BACC1: variants seen among roughly 807,000 people sequenced by gnomAD.
BACC1 encodes the protein BPTF-associated chromatin complex component 1.
At chr17:7,017,213 C>G in the BACC1 span, 34 of 1,614,056 alleles carry the variant, frequency 2.1e-5, no homozygotes, top group African/African-American at 3.9e-4. Context: ...TGGAAGCACA[C>G]TGGGGGCTCG....
the BACC1 span, chr17:7,015,160 C>A: frequency 3.2e-6 from 5 of 1,568,606 alleles, no homozygotes; most frequent in Admixed American, 9.3e-5. Flanking sequence ...CTGCGGGGTA[C>A]GTGAGCCCGG....
the BACC1 span, chr17:7,017,438 C>G: frequency 2.1e-6 from 2 of 946,288 alleles, no homozygotes; most frequent in Non-Finnish European, 3.5e-6. Flanking sequence ...CTCGCTATTC[C>G]CGCATAAGCA....
the BACC1 span, chr17:7,015,012 G>A: frequency 4.2e-6 from 6 of 1,426,532 alleles, no homozygotes; most frequent in Non-Finnish European, 5.5e-6. Context: ...GGCTCCGGGC[G>A]GGACGGGGAG....
At chr17:7,015,240 A>T in the BACC1 span, 1 of 1,454,920 alleles carries the variant, frequency 6.9e-7, no homozygotes, top group Non-Finnish European at 9.0e-7. Flanking sequence ...TAGCACAGGG[A>T]CAGACATTAG....
chr17:7,016,834 C>G, the BACC1 span: 1 of 1,544,156 alleles, frequency 6.5e-7, no homozygotes, highest in Non-Finnish European at 8.9e-7. Context: ...AGAGGAGGCA[C>G]AAAGCTTTGG....
chr17:7,015,953 ACTC>A, the BACC1 span: 1 of 1,208,764 alleles, frequency 8.3e-7, no homozygotes, highest in Middle Eastern at 1.9e-4. Flanking sequence ...CGTCCTCAGA[ACTC>A]CTTTCCAGCT....
At chr17:7,014,851 C>T in the BACC1 span, 2 of 1,532,172 alleles carry the variant, frequency 1.3e-6, no homozygotes, top group African/African-American at 1.4e-5. This position sits in a 1 kb window ranked among gnomAD's most constrained non-coding sequence, Gnocchi z 4.5. Context: ...AGGAGGCGCG[C>T]GGGGCCATGA....
chr17:7,017,483 A>G, the BACC1 span: 1 of 723,464 alleles, frequency 1.4e-6, no homozygotes, highest in East Asian at 2.6e-5. Context: ...CATCTGATGG[A>G]CATTTTTATA....
At chr17:7,017,112 T>C in the BACC1 span, 1 of 1,520,654 alleles carries the variant, frequency 6.6e-7, no homozygotes, top group South Asian at 1.1e-5. Flanking sequence ...CTCCCTTGTA[T>C]AGGGGTTTCA....
At chr17:7,015,104 C>G in the BACC1 span, 2 of 1,579,892 alleles carry the variant, frequency 1.3e-6, no homozygotes, top group Non-Finnish European at 1.7e-6. Context: ...CTTCACGAAG[C>G]TCGGGGAGCT....
At chr17:7,014,934 C>G in the BACC1 span, 32 of 1,493,148 alleles carry the variant, frequency 2.1e-5, no homozygotes, top group African/African-American at 2.9e-5. The surrounding 1 kb of genome is among the most constrained non-coding windows in gnomAD (Gnocchi z 4.5). Flanking sequence ...GCGGGCCCCC[C>G]ACTTGGCTCG....
chr17:7,015,807 G>T, the BACC1 span: 44 of 1,614,136 alleles, frequency 2.7e-5, no homozygotes, highest in South Asian at 4.7e-4. Flanking sequence ...TAGAGATGCT[G>T]AGGGCTGCTG....
At chr17:7,016,026 G>A in the BACC1 span, 1 of 639,182 alleles carries the variant, frequency 1.6e-6, no homozygotes, top group African/African-American at 1.8e-5. Context: ...TGAAAGAATA[G>A]AATTGTCACA....
chr17:7,015,714 G>C, the BACC1 span: 1 of 1,517,746 alleles, frequency 6.6e-7, no homozygotes, highest in Non-Finnish European at 9.1e-7. Context: ...TGCATAGCCT[G>C]TGGGCGGGCT....
the BACC1 span, chr17:7,015,010 G>A: frequency 2.8e-6 from 4 of 1,426,910 alleles, no homozygotes; most frequent in Non-Finnish European, 2.7e-6. Flanking sequence ...GGGGCTCCGG[G>A]CGGGACGGGG....
the BACC1 span, chr17:7,015,488 G>A: frequency 7.3e-7 from 1 of 1,370,452 alleles, no homozygotes. Context: ...GCCCTTCCTG[G>A]CGAGTTGGTT....
the BACC1 span, chr17:7,015,542 A>G: frequency 7.1e-7 from 1 of 1,417,844 alleles, no homozygotes; most frequent in South Asian, 1.5e-5. Flanking sequence ...GATGGTGGAA[A>G]GGGGTGTCTA....
chr17:7,015,102 A>G, the BACC1 span: 19 of 1,576,922 alleles, frequency 1.2e-5, no homozygotes, highest in Admixed American at 3.4e-4. Context: ...GCCTTCACGA[A>G]GCTCGGGGAG....
the BACC1 span, chr17:7,015,373 C>G: frequency 7.3e-7 from 1 of 1,377,958 alleles, no homozygotes; most frequent in Non-Finnish European, 9.3e-7. Context: ...ACAGTTCTCC[C>G]TGCTGCGAAC....
Sources: allele counts gnomAD v4.1 joint callset, GRCh38; gene constraint gnomAD v4.1.1; non-coding constraint Gnocchi (gnomAD v3.1); transcripts MANE v1.5; gene names NCBI Gene and HGNC (gene_info 2026-07-23, HGNC 2026-07-21).